The following RALYL variants were observed in gnomAD, a reference collection of about 807,000 sequenced individuals.
The protein encoded by RALYL is RALY RNA binding protein like.
RALYL carries 29 observed loss-of-function variants against 35.1 expected under a neutral mutation model. The ratio of observed to expected loss-of-function variants is 0.83; its 90% CI spans 0.61 to 1.13. The LOEUF is 1.13. RALYL is among the 50% of genes most tolerant of loss of function. The pLI is 0.00. For synonymous variants in RALYL, 120 were observed against 127.6 expected, an observed-to-expected ratio of 0.94 and a Z score of 0.40; for missense variants, 359 against 360.4, an observed-to-expected ratio of 1.00 and a Z score of 0.03.
chr8:84,343,463 A>G (rs1045977606), intron 1 of RALYL, among the ~76,000 whole-genome samples: 1 of 152,100 alleles, frequency 6.6e-6, no homozygotes, highest in Non-Finnish European at 1.5e-5. Flanking sequence ...AGGCTAAACA[A>G]AATAAGCCGT....
intron 1 of RALYL, among the ~76,000 whole-genome samples, chr8:84,193,069 A>C (rs746312311): frequency 2.6e-5 from 4 of 152,128 alleles, no homozygotes; most frequent in Non-Finnish European, 4.4e-5. Context: ...GTTGCCATTG[A>C]GAAAAAAATA....
intron 2 of RALYL, among the ~76,000 whole-genome samples, chr8:84,596,497 T>A (rs983836767): frequency 6.6e-6 from 1 of 152,298 alleles, no homozygotes; most frequent in Middle Eastern, 3.4e-3. Context: ...CCCTTCTTTT[T>A]CTTTTGTTAA....
At chr8:84,637,592 A>G (rs1825340884) in intron 2 of RALYL, among the ~76,000 whole-genome samples, 1 of 151,862 alleles carries the variant, frequency 6.6e-6, no homozygotes, top group African/African-American at 2.4e-5. Context: ...TTCAAAGTTT[A>G]GGCTGGAGAG....
intron 1 of RALYL, among the ~76,000 whole-genome samples, chr8:84,287,711 A>T (rs1446454953): frequency 6.6e-6 from 1 of 152,206 alleles, no homozygotes; most frequent in Non-Finnish European, 1.5e-5. Context: ...TGATAGAAAT[A>T]TTCAAAGAGA....
chr8:84,865,718 G>GA (rs1017831409), intron 6 of RALYL, among the ~76,000 whole-genome samples: 7 of 150,884 alleles, frequency 4.6e-5, no homozygotes, highest in African/African-American at 7.3e-5. Context: ...ATGCCCTCTG[G>GA]AAAAAAAAAT....
At chr8:84,696,187 G>T (rs1839102757) in intron 2 of RALYL, among the ~76,000 whole-genome samples, 1 of 151,286 alleles carries the variant, frequency 6.6e-6, no homozygotes, top group Non-Finnish European at 1.5e-5. Flanking sequence ...TTATTTAAAA[G>T]ACTGAAGTTA....
intron 1 of RALYL, among the ~76,000 whole-genome samples, chr8:84,271,016 A>AT (rs927300547): frequency 6.6e-6 from 1 of 152,118 alleles, no homozygotes; most frequent in African/African-American, 2.4e-5. Flanking sequence ...CAAATTATGG[A>AT]TTTTTTTAAG....
At chr8:84,225,306 A>G (rs1382875094) in intron 1 of RALYL, among the ~76,000 whole-genome samples, 1 of 152,172 alleles carries the variant, frequency 6.6e-6, no homozygotes, top group East Asian at 1.9e-4. Flanking sequence ...TTTCATGTTT[A>G]CAAGCTCTAA....
chr8:84,490,462 C>T (rs2055163221), intron 1 of RALYL, among the ~76,000 whole-genome samples: 2 of 151,836 alleles, frequency 1.3e-5, no homozygotes, highest in African/African-American at 2.4e-5. Flanking sequence ...CAAGCATCTT[C>T]GGTTGTTATT....
At chr8:84,392,980 A>G (rs1290081143) in intron 1 of RALYL, among the ~76,000 whole-genome samples, 1 of 152,118 alleles carries the variant, frequency 6.6e-6, no homozygotes, top group Non-Finnish European at 1.5e-5. Flanking sequence ...GGAACAGTGC[A>G]ATTTGTGAGG....
chr8:84,488,321 C>T (rs1196990540), intron 1 of RALYL, among the ~76,000 whole-genome samples: 1 of 152,054 alleles, frequency 6.6e-6, no homozygotes, highest in Non-Finnish European at 1.5e-5. Flanking sequence ...AGGTTAATAT[C>T]AACTTTTTGA....
chr8:84,573,423 A>C (rs1200322259), intron 2 of RALYL, among the ~76,000 whole-genome samples: 1 of 151,772 alleles, frequency 6.6e-6, no homozygotes, highest in African/African-American at 2.4e-5. Flanking sequence ...AAACTGTGGT[A>C]ATCTTTGCTC....
chr8:84,665,422 G>A (rs1392284702), intron 2 of RALYL, among the ~76,000 whole-genome samples: 2 of 151,834 alleles, frequency 1.3e-5, no homozygotes, highest in African/African-American at 4.8e-5. Context: ...AACTCTAGTA[G>A]TATTTGTCTG....
At chr8:84,549,729 C>T (rs528181775) in intron 2 of RALYL, among the ~76,000 whole-genome samples, 1 of 152,288 alleles carries the variant, frequency 6.6e-6, no homozygotes, top group South Asian at 2.1e-4. Context: ...GACTGCAGTG[C>T]CCTGGCTGTG....
chr8:84,591,585 T>C (rs1468553875), intron 2 of RALYL, among the ~76,000 whole-genome samples: 2 of 152,198 alleles, frequency 1.3e-5, no homozygotes, highest in Non-Finnish European at 2.9e-5. Context: ...GGGCTGTTTG[T>C]TATACCAATA....
At chr8:84,240,062 G>T (rs1376012429) in intron 1 of RALYL, among the ~76,000 whole-genome samples, 1 of 152,128 alleles carries the variant, frequency 6.6e-6, no homozygotes, top group Non-Finnish European at 1.5e-5. Flanking sequence ...GGAAGAATCA[G>T]TGATAGCAAT....
At chr8:84,326,357 C>T (rs73291385) in intron 1 of RALYL, among the ~76,000 whole-genome samples, 3,087 of 152,106 alleles carry the variant, frequency 0.02, 113 homozygotes, top group African/African-American at 0.07. Context: ...TTGTTGATTG[C>T]TTCTTTGCTA....
chr8:84,730,947 G>A (rs1413005545), intron 2 of RALYL, among the ~76,000 whole-genome samples: 2 of 150,692 alleles, frequency 1.3e-5, no homozygotes, highest in Non-Finnish European at 1.5e-5. Context: ...ATAAGAAAGA[G>A]GAGGAGGAGA....
chr8:84,904,422 T>C, intron 8 of RALYL, among the ~76,000 whole-genome samples: 1 of 152,152 alleles, frequency 6.6e-6, no homozygotes, highest in East Asian at 1.9e-4. Flanking sequence ...ATGCCAATAT[T>C]TACACAATTT....
Sources: gnomAD v4.1 joint callset for allele counts (sites outside exome capture counted in the v4.1 genomes callset) on GRCh38, gnomAD v4.1.1 for gene constraint, MANE v1.5 for transcripts, NCBI Gene and HGNC (gene_info 2026-07-23, HGNC 2026-07-21) for gene names.